The following AKAP9 variants were observed in gnomAD, a reference collection of about 807,000 sequenced individuals.
The protein encoded by AKAP9 is A-kinase anchoring protein 9.
In AKAP9, 311 loss-of-function variants were observed where a neutral mutation model predicts 488.5. The ratio of observed to expected loss-of-function variants is 0.64; its 90% CI spans 0.58 to 0.70. AKAP9 has a LOEUF of 0.70. Ranked by LOEUF, AKAP9 falls within the 30% of genes least tolerant of loss-of-function variation. AKAP9 has a pLI of 0.00. For missense variants in AKAP9, 4,215 were observed against 4,374.5 expected, an observed-to-expected ratio of 0.96 and a Z score of 1.03; for synonymous variants, 1,462 against 1,483.5, an observed-to-expected ratio of 0.99 and a Z score of 0.33.
At chr7:92,103,909 G>T (rs1350904272) in intron 46 of AKAP9, among the ~76,000 whole-genome samples, 1 of 152,068 alleles carries the variant, frequency 6.6e-6, no homozygotes, top group Non-Finnish European at 1.5e-5. Flanking sequence ...TAAGGCATTG[G>T]ATTTTTGCTT....
At chr7:91,979,129 C>A (rs1267174477) in intron 2 of AKAP9, among the ~76,000 whole-genome samples, 1 of 151,828 alleles carries the variant, frequency 6.6e-6, no homozygotes, top group African/African-American at 2.4e-5. Context: ...TAAAGAGGTA[C>A]GGTAGTTCCT....
intron 26 of AKAP9, among the ~76,000 whole-genome samples, chr7:92,069,440 A>C (rs897850264): frequency 6.6e-6 from 1 of 152,184 alleles, no homozygotes; most frequent in African/African-American, 2.4e-5. Flanking sequence ...AATTTTTTCA[A>C]CTTGTAAAAT....
intron 1 of AKAP9, among the ~76,000 whole-genome samples, chr7:91,950,536 C>G (rs777093969): frequency 6.6e-6 from 1 of 152,144 alleles, no homozygotes; most frequent in Non-Finnish European, 1.5e-5. Flanking sequence ...AGGCTAGGGT[C>G]TCACTTTTAT....
Position 92,085,481 on chromosome 7 carries a change from G to A in AKAP9, c.8833-14G>A, listed in dbSNP as rs1364407124. 3 of 1,613,542 alleles carry A rather than the reference G, an allele frequency of 1.9e-6. No homozygotes were observed. Among genetic ancestry groups the A allele is most frequent in the South Asian group, 1.1e-5 (1 of 91,076 alleles). ...AAGTTGTCATAATTCTGGCTCTTGG[G>A]TTTTGGTTTCCAGGGATTACTGAGA... On this transcript the variant is annotated splice_polypyrimidine_tract_variant and intron_variant, in intron 35 of 49. Coordinates refer to ENST00000356239, the MANE Select transcript of AKAP9 (RefSeq NM_005751.5).
chr7:91,947,367 GA>G (rs2130450419), intron 1 of AKAP9, among the ~76,000 whole-genome samples: 1 of 151,856 alleles, frequency 6.6e-6, no homozygotes, highest in East Asian at 1.9e-4. Context: ...CCCCGAGATG[GA>G]GTCTCACTCT....
At chr7:92,035,113 G>C (rs1405142961) in intron 16 of AKAP9, among the ~76,000 whole-genome samples, 1 of 152,174 alleles carries the variant, frequency 6.6e-6, no homozygotes, top group East Asian at 1.9e-4. Context: ...ATTATAGCTT[G>C]TAAGTATAGC....
rs60385804 is a variant in AKAP9 at position 91,980,495 on chromosome 7, C to CTTTTTTTTTTTTTTTTT, written c.351+169_351+185dup. Among the ~76,000 whole-genome samples the CTTTTTTTTTTTTTTTTT allele has an allele frequency of 2.9e-4, 14 of 48,756 alleles. 4 individuals carry two copies. Among genetic ancestry groups the CTTTTTTTTTTTTTTTTT allele is most frequent in the African/African-American group, 8.4e-4 (9 of 10,702 alleles). The allele number at this position is 48,756 out of a possible 152,430, so 32.0% of individuals were successfully genotyped here. On this transcript the variant is annotated intron_variant, in intron 3 of 49. Transcript: ENST00000356239. ...GAACCTGAGGATTATGTATTACTGA[C>CTTTTTTTTTTTTTTTTT]TTTTTTTTTTTTTTTTTTTTTTTCA...
chr7:92,003,128 AT>A lies in AKAP9; in HGVS notation c.3215del (p.Leu1072TrpfsTer7). ...VGEESKQEQLILDHLPSVTKE... is the reference protein window; with the variant it reads ...VGEESKQEQLXLDHLPSVTKE... ...AGAAGAAAGTAAGCAAGAACAGTTG[AT>A]TTTGGATCACTTACCATCTGTAACA... is the stretch of plus-strand genomic sequence containing the variant. On this transcript the variant is annotated frameshift_variant, in exon 8 of 50. Transcript: ENST00000356239. LOFTEE classifies it high-confidence loss of function. 6.2e-7 allele frequency: 1 copy of A among 1,611,244 alleles called. No homozygotes were observed. The highest frequency in any genetic ancestry group is 2.2e-5 in the East Asian group (1 of 44,816).
rs527618291 is a variant in AKAP9 at position 92,074,021 on chromosome 7, G to A, written c.6613-2834G>A. Among the ~76,000 whole-genome samples, 353 of 152,248 alleles carry A rather than the reference G, an allele frequency of 2.3e-3. 2 individuals carry two copies. Among genetic ancestry groups the A allele is most frequent in the African/African-American group, 7.8e-3 (326 of 41,536 alleles). On this transcript the variant is annotated intron_variant, in intron 28 of 49. Transcript: ENST00000356239. The stretch of plus-strand genomic sequence containing the variant: ...CAACAAAAGCCAAAATTGACAAATG[G>A]CATCTAATTAAATGAAAGAGCTTCT...
rs188766100 is a variant in AKAP9, at chr7:92,020,459, C to T, written c.3838-1779C>T. Among the ~76,000 whole-genome samples the T allele has an allele frequency of 2.3e-3, 356 of 152,262 alleles. 1 individual carries two copies. The highest frequency in any genetic ancestry group is 3.4e-3 in the Middle Eastern group (1 of 294). ...GGCTTAGGCATTTCTTCCTCTGTTC[C>T]CTTAGCAACAGTACAGGCCTTGCTT... On this transcript the variant is annotated intron_variant, in intron 12 of 49. Transcript: ENST00000356239.
At chr7:92,054,737 G>A (rs769002684) in intron 22 of AKAP9, among the ~76,000 whole-genome samples, 22 of 152,068 alleles carry the variant, frequency 1.4e-4, no homozygotes, top group Middle Eastern at 3.4e-3. Flanking sequence ...TTATTACAAC[G>A]GTTTTACCTC....
intron 1 of AKAP9, among the ~76,000 whole-genome samples, chr7:91,953,007 A>G (rs1792454305): frequency 1.3e-5 from 2 of 152,158 alleles, no homozygotes; most frequent in African/African-American, 4.8e-5. Flanking sequence ...AAGCTGGGGA[A>G]TAATATGGTT....
intron 16 of AKAP9, among the ~76,000 whole-genome samples, chr7:92,037,352 G>A (rs1363295175): frequency 6.6e-6 from 1 of 152,162 alleles, no homozygotes; most frequent in African/African-American, 2.4e-5. Flanking sequence ...ACCCCAGATA[G>A]GTGAATCACA....
intron 7 of AKAP9, among the ~76,000 whole-genome samples, chr7:91,997,672 G>C (rs1370682449): frequency 1.3e-5 from 2 of 152,194 alleles, no homozygotes; most frequent in Non-Finnish European, 1.5e-5. Context: ...GGAGGTAAGA[G>C]TGGGAGGATA....
At chr7:92,043,698 C>G (rs1001161246) in intron 20 of AKAP9, among the ~76,000 whole-genome samples, 2 of 152,072 alleles carry the variant, frequency 1.3e-5, no homozygotes, top group Non-Finnish European at 2.9e-5. Context: ...ATTATATAAG[C>G]AGAGAACTTG....
intron 46 of AKAP9, among the ~76,000 whole-genome samples, chr7:92,103,475 C>A (rs188590502): frequency 2.0e-5 from 3 of 148,940 alleles, no homozygotes; most frequent in Non-Finnish European, 4.4e-5. Flanking sequence ...GCCGGCAGAT[C>A]GTGAGGTCAG....
chr7:92,002,114 CAA>C lies in AKAP9; in HGVS notation c.2198_2199del (p.Gln733ArgfsTer9). On this transcript the variant is annotated frameshift_variant, in exon 8 of 50. Coordinates refer to ENST00000356239, the MANE Select transcript of AKAP9 (RefSeq NM_005751.5). LOFTEE classifies it high-confidence loss of function. ...ELQKEIEILR[Q>X]EEKEKGTLEQ... is the part of the protein sequence containing the mutation. Reference sequence around the variant, plus strand: ...TCAAAAAGAAATTGAAATACTCAGACAAGAAGAAAAAGAAAAGGGTACACTTG... The same window carrying C: ...TCAAAAAGAAATTGAAATACTCAGACGAAGAAAAAGAAAAGGGTACACTTG... The C allele has an allele frequency of 6.3e-7, 1 of 1,592,458 alleles. No individual in the cohort carries two copies. The highest frequency in any genetic ancestry group is 8.5e-7 in the Non-Finnish European group (1 of 1,174,098).
At chr7:91,971,982 C>CTT (rs71107846) in intron 1 of AKAP9, among the ~76,000 whole-genome samples, 4,883 of 91,714 alleles carry the variant, frequency 0.053, 426 homozygotes, top group African/African-American at 0.13. Flanking sequence ...TTTTGCCTCT[C>CTT]TTTTTTTTTT....
At position 92,107,489 on chromosome 7, in the gene AKAP9, A is replaced by G. The variant is rs553020204; in HGVS notation, c.11546+67A>G. On this transcript the variant is annotated intron_variant, in intron 48 of 49. Transcript: ENST00000356239. ...TAATATTTAACAGAGATAAATGGAC[A>G]TTTTTAGGGCTTTGACTTCTTTGCA... is the stretch of plus-strand genomic sequence containing the variant. 5.0e-5 allele frequency: 74 copies of G among 1,485,062 alleles called. No homozygotes were observed. In the South Asian group the frequency reaches 7.8e-4, roughly 16 times the overall value. The allele number at this position is 1,485,062 out of a possible 1,614,324, so 92.0% of individuals were successfully genotyped here. A position where few individuals can be genotyped will look rare whatever the true frequency, so the allele number is the denominator to read the frequency against.
Sources: gnomAD v4.1 joint callset for allele counts (sites outside exome capture counted in the v4.1 genomes callset) on GRCh38, gnomAD v4.1.1 for gene constraint, MANE v1.5 for transcripts, NCBI Gene and HGNC (gene_info 2026-07-23, HGNC 2026-07-21) for gene names.